Variants in MTOR observed in about 807,000 individuals in gnomAD.
The protein encoded by MTOR is mechanistic target of rapamycin kinase.
In MTOR, 70 loss-of-function variants were observed where a neutral mutation model predicts 319.8. That is an observed-to-expected ratio of 0.22 (90% CI 0.18 to 0.27). The LOEUF is 0.27. Among genes scored for constraint, MTOR ranks in the 10% least tolerant of loss-of-function variants. MTOR has a pLI of 1.00. For missense variants in MTOR, 1,890 were observed against 3,274.4 expected (o/e 0.58, Z 10.32); for synonymous variants, 1,183 against 1,211.4 (o/e 0.98, Z 0.49).
rs78484341 is a variant in MTOR at position 11,215,896 on chromosome 1, T to C, written c.3117+252A>G. 6.6e-3 allele frequency among the ~76,000 whole-genome samples: 1,010 copies of C among 152,310 alleles called. 6 individuals are homozygous for C. The highest frequency in any genetic ancestry group is 0.018 in the African/African-American group (750 of 41,574). ...GTTGTGTGTGAGGCAAATAACCCAATTGTCTATTTCTGGCAGAACAATTAC... is the reference window on the plus strand; with the variant it reads ...GTTGTGTGTGAGGCAAATAACCCAACTGTCTATTTCTGGCAGAACAATTAC... On this transcript the variant is annotated intron_variant, in intron 20 of 57. Transcript: ENST00000361445.
intron 34 of MTOR, among the ~76,000 whole-genome samples, chr1:11,141,963 T>C (rs535956642): frequency 1.3e-5 from 2 of 151,544 alleles, no homozygotes; most frequent in Admixed American, 6.5e-5. Context: ...ATCGTGCCAC[T>C]GCACTCCAGA....
At chr1:11,158,160 C>T (rs1172511814) in intron 29 of MTOR, among the ~76,000 whole-genome samples, 1 of 152,206 alleles carries the variant, frequency 6.6e-6, no homozygotes, top group Non-Finnish European at 1.5e-5. Context: ...TGGGCTACTT[C>T]ATCATCAGCT....
chr1:11,159,953 C>T (rs1050524870), intron 29 of MTOR, among the ~76,000 whole-genome samples: 5 of 151,974 alleles, frequency 3.3e-5, no homozygotes, highest in African/African-American at 9.7e-5. Context: ...AAATGCCCTG[C>T]CAAGACCACA....
chr1:11,213,335 C>T (rs1172755228), intron 21 of MTOR, 64 bp downstream of exon 21: 12 of 1,544,562 alleles, frequency 7.8e-6, no homozygotes, highest in Non-Finnish European at 9.6e-6. Flanking sequence ...CAGCTTTTAG[C>T]TGATCACCCA....
intron 29 of MTOR, among the ~76,000 whole-genome samples, chr1:11,160,703 T>G (rs899087982): frequency 1.3e-4 from 20 of 152,198 alleles, no homozygotes; most frequent in Non-Finnish European, 2.1e-4. Context: ...ATATAAACAC[T>G]TAGCAAAGGG....
intron 28 of MTOR, among the ~76,000 whole-genome samples, chr1:11,197,014 T>C (rs771611064): frequency 6.6e-5 from 10 of 150,474 alleles, no homozygotes; most frequent in African/African-American, 9.8e-5. Flanking sequence ...AAAATAAGAG[T>C]AGGAAAAATA....
intron 49 of MTOR, among the ~76,000 whole-genome samples, chr1:11,118,259 CAG>C (rs1310587171): frequency 2.5e-5 from 2 of 81,480 alleles, no homozygotes; most frequent in African/African-American, 7.0e-5. Context: ...TTTTTTTGGA[CAG>C]AGTCTTGCTC....
rs906416267 is a variant in MTOR at position 11,121,440 on chromosome 1, G to C, written c.6811-72C>G. On this transcript the variant is annotated intron_variant, in intron 48 of 57. Transcript: ENST00000361445. This position sits in a 1 kb window ranked among gnomAD's most constrained non-coding sequence, Gnocchi z 4.9. ...TAGTTTGGGTCCAGGAAGAAACAAGGCTTGGGGTCCAGGCAGAGCTGAGTT... is the reference window on the plus strand; with the variant it reads ...TAGTTTGGGTCCAGGAAGAAACAAGCCTTGGGGTCCAGGCAGAGCTGAGTT... The C allele has an allele frequency of 1.1e-5, 17 of 1,590,162 alleles. No individual in the cohort carries two copies. The highest frequency in any genetic ancestry group is 1.7e-5 in the Admixed American group (1 of 59,060).
intron 25 of MTOR, among the ~76,000 whole-genome samples, chr1:11,204,927 G>A (rs1367221213): frequency 6.6e-6 from 1 of 152,150 alleles, no homozygotes; most frequent in African/African-American, 2.4e-5. Flanking sequence ...CCTTTGTGCT[G>A]GACTCTGACT....
rs766809604 is a variant in MTOR, at chr1:11,212,242, T to G, written c.3561+70A>C. On this transcript the variant is annotated intron_variant, in intron 23 of 57. Transcript: ENST00000361445. This position sits in a 1 kb window ranked among gnomAD's most constrained non-coding sequence, Gnocchi z 4.1. Reference sequence around the variant, plus strand: ...TGGCTGGCATCAGACAAAGTCTGAGTGGCTCACAGACAAAGTCTTCTTTCC... The same window carrying G: ...TGGCTGGCATCAGACAAAGTCTGAGGGGCTCACAGACAAAGTCTTCTTTCC... 2.0e-5 allele frequency: 30 copies of G among 1,519,888 alleles called. No homozygotes were observed. The highest frequency in any genetic ancestry group is 2.7e-5 in the Non-Finnish European group (30 of 1,129,266). 94.2% of individuals were successfully genotyped at this position (1,519,888 alleles called of 1,614,324 possible).
chr1:11,231,444 C>T lies in MTOR; in HGVS notation c.2515-10G>A, dbSNP rs750088686. ...GGGTCCACAGAGCCACCTGGATAGG[C>T]ACAAGAACACGATTCAATGAGCCAG... On this transcript the variant is annotated splice_polypyrimidine_tract_variant and intron_variant, in intron 16 of 57. Transcript: ENST00000361445. 10 of 1,613,350 alleles carry T rather than the reference C, an allele frequency of 6.2e-6. No individual in the cohort carries two copies. Among genetic ancestry groups the T allele is most frequent in the Admixed American group, 1.7e-5 (1 of 59,870 alleles).
chr1:11,150,979 G>A (rs1288589825), intron 30 of MTOR, among the ~76,000 whole-genome samples: 2 of 152,166 alleles, frequency 1.3e-5, no homozygotes, highest in Non-Finnish European at 2.9e-5. Context: ...GATGCAGCTA[G>A]GAGACTCCTT....
chr1:11,107,104 T>C lies in MTOR; in HGVS notation c.*381A>G. 7.3e-7 allele frequency: 1 copy of C among 1,375,232 alleles called. No individual in the cohort carries two copies. Among genetic ancestry groups the C allele is most frequent in the Non-Finnish European group, 9.6e-7 (1 of 1,042,082 alleles). The allele number at this position is 1,375,232 out of a possible 1,614,324, so 85.2% of individuals were successfully genotyped here. A position where few individuals can be genotyped will look rare whatever the true frequency, so the allele number is the denominator to read the frequency against. ...CTTCTTGGCTGTGCTGAGTTTGCTG[T>C]ACCCATGTTGAGAGGAGCAACTAGG... On this transcript the variant is annotated 3_prime_UTR_variant, in exon 58 of 58. Coordinates refer to ENST00000361445, the MANE Select transcript of MTOR (RefSeq NM_004958.4).
intron 51 of MTOR, 54 bp from the exon 52 acceptor site, chr1:11,114,941 A>C: frequency 6.6e-7 from 1 of 1,505,122 alleles, no homozygotes; most frequent in Non-Finnish European, 9.2e-7. Context: ...CTTTACCTGG[A>C]GCCAGGTGGA....
chr1:11,188,267 G>A (rs572140874), intron 28 of MTOR, among the ~76,000 whole-genome samples: 1 of 152,292 alleles, frequency 6.6e-6, no homozygotes, highest in East Asian at 1.9e-4. Flanking sequence ...TTATTTTAAG[G>A]ATGTTTGCTG....
intron 6 of MTOR, among the ~76,000 whole-genome samples, chr1:11,252,111 T>C (rs1056520730): frequency 2.0e-5 from 3 of 152,220 alleles, no homozygotes; most frequent in Non-Finnish European, 2.9e-5. Flanking sequence ...GTCCCTCCGA[T>C]AAAGTAGCAT....
At position 11,126,781 on chromosome 1, in the gene MTOR, G is replaced by T. The variant is rs2100397914; in HGVS notation, c.6367C>A (p.Leu2123Met). Reference protein sequence around the residue: ...KQLPQLTSLELQYVSPKLLMC... With the variant: ...KQLPQLTSLEMQYVSPKLLMC... ...AGAAGTTTTGGGGAAACATATTGCA[G>T]CTCTAAGGATGTGAGCTGTAAATAA... Residue 2123 changes from leucine (L) to methionine (M), a missense_variant, in exon 46 of 58, where the codon CTG becomes ATG. By Grantham distance (15) the Leu-to-Met change is conservative. Around this residue, in one of 15 missense-constraint regions of MTOR, gnomAD observed 249 missense variants for 596.2 expected, o/e 0.42. Coordinates refer to ENST00000361445, the MANE Select transcript of MTOR (RefSeq NM_004958.4). The T allele has an allele frequency of 6.2e-7, 1 of 1,614,048 alleles. No homozygotes were observed. Among genetic ancestry groups the T allele is most frequent in the Non-Finnish European group, 8.5e-7 (1 of 1,180,012 alleles).
At chr1:11,114,558 T>G (rs759078297) in intron 52 of MTOR, 105 bp from the exon 53 acceptor site, 40 of 1,488,368 alleles carry the variant, frequency 2.7e-5, no homozygotes, top group Non-Finnish European at 3.5e-5. Flanking sequence ...ACAGGCCATG[T>G]TGACGTATCA....
chr1:11,152,514 A>C (rs1156586491), intron 30 of MTOR: 1 of 152,174 alleles, frequency 6.6e-6, no homozygotes, highest in Non-Finnish European at 1.5e-5. Context: ...CTCCCGAGGA[A>C]TCTGTTCTCA....
Sources: gnomAD v4.1 joint callset for allele counts (sites outside exome capture counted in the v4.1 genomes callset) on GRCh38, gnomAD v4.1.1 for gene constraint, gnomAD v4.1.1 regional missense constraint, Gnocchi (gnomAD v3.1) non-coding constraint, MANE v1.5 for transcripts, NCBI Gene and HGNC (gene_info 2026-07-23, HGNC 2026-07-21) for gene names.